MAPRE2: variants seen among roughly 807,000 people sequenced by gnomAD.
MAPRE2 encodes microtubule associated protein RP/EB family member 2.
MAPRE2 carries 13 observed loss-of-function variants against 43.2 expected under a neutral mutation model. The observed-to-expected ratio is 0.30, with a 90% confidence interval of 0.20 to 0.48. The LOEUF (loss-of-function observed/expected upper bound fraction) is 0.48, where lower values mean the gene tolerates loss of function less well. Among genes scored for constraint, MAPRE2 ranks in the 20% least tolerant of loss-of-function variants. MAPRE2 has a pLI of 0.99. For missense variants in MAPRE2, 161 were observed against 400.2 expected (o/e 0.40, Z 5.10); for synonymous variants, 135 against 148.8 (o/e 0.91, Z 0.68).
chr18:35,021,869 G>A (rs1227797412), intron 2 of MAPRE2, among the ~76,000 whole-genome samples: 3 of 152,044 alleles, frequency 2.0e-5, no homozygotes, highest in Non-Finnish European at 4.4e-5. Flanking sequence ...TGTTGACCAC[G>A]ATGAATTTAA....
chr18:35,042,744 C>T (rs1163637499), intron 1 of MAPRE2, among the ~76,000 whole-genome samples: 1 of 152,160 alleles, frequency 6.6e-6, no homozygotes, highest in African/African-American at 2.4e-5. Flanking sequence ...AAAGCGCATC[C>T]TCTCAGCTGA....
Position 35,097,431 on chromosome 18 carries a change from C to T in MAPRE2, c.251-15C>T. On this transcript the variant is annotated splice_polypyrimidine_tract_variant and intron_variant, in intron 2 of 6. Transcript: ENST00000300249. The stretch of plus-strand genomic sequence containing the variant: ...CAGTGAGACTCACTCCAGTACTGTT[C>T]TTGTTTCTTTCCAGGAGCGGCCTAT... 1 of 1,612,610 alleles carries T rather than the reference C, an allele frequency of 6.2e-7. No homozygotes were observed. Among genetic ancestry groups the T allele is most frequent in the East Asian group, 2.2e-5 (1 of 44,866 alleles).
intron 1 of MAPRE2, among the ~76,000 whole-genome samples, chr18:35,067,550 T>C (rs1025223973): frequency 6.6e-6 from 1 of 152,238 alleles, no homozygotes; most frequent in Non-Finnish European, 1.5e-5. Flanking sequence ...GTTTGTGTCT[T>C]TTCTGCTTTG....
intron 1 of MAPRE2, among the ~76,000 whole-genome samples, chr18:34,981,371 T>A (rs536480928): frequency 3.3e-5 from 5 of 150,038 alleles, no homozygotes; most frequent in African/African-American, 9.8e-5. Context: ...GAGAGGGAGA[T>A]GCCATCTTAA....
chr18:35,021,575 C>T (rs1169220959), intron 2 of MAPRE2, among the ~76,000 whole-genome samples: 2 of 152,076 alleles, frequency 1.3e-5, no homozygotes, highest in East Asian at 3.8e-4. Context: ...CACGGCCCCA[C>T]TCCTCCCAGA....
intron 2 of MAPRE2, among the ~76,000 whole-genome samples, chr18:35,073,671 A>C (rs1907214411): frequency 6.6e-6 from 1 of 152,156 alleles, no homozygotes; most frequent in Non-Finnish European, 1.5e-5. Context: ...TCTGTTTTTA[A>C]AATTTTCCAG....
chr18:34,985,063 AT>A (rs1396530399), intron 1 of MAPRE2, among the ~76,000 whole-genome samples: 6 of 91,092 alleles, frequency 6.6e-5, no homozygotes, highest in African/African-American at 2.8e-4. Context: ...TATATAATAT[AT>A]AAAATAAAAT....
chr18:35,032,301 A>G (rs2097048204), intron 2 of MAPRE2, among the ~76,000 whole-genome samples: 1 of 152,208 alleles, frequency 6.6e-6, no homozygotes, highest in South Asian at 2.1e-4. Context: ...TGCCTTTGAC[A>G]GCAGTGATTA....
chr18:35,138,530 T>G (rs554331319), intron 6 of MAPRE2, among the ~76,000 whole-genome samples: 190 of 152,314 alleles, frequency 1.2e-3, no homozygotes, highest in Non-Finnish European at 2.4e-3. Flanking sequence ...TTAAAAAAAT[T>G]ACTTGCACTT....
At chr18:35,017,658 T>G (rs1275777142) in intron 2 of MAPRE2, among the ~76,000 whole-genome samples, 1 of 151,968 alleles carries the variant, frequency 6.6e-6, no homozygotes, top group East Asian at 1.9e-4. Flanking sequence ...ATGTTACTTA[T>G]TTTTGTACAT....
chr18:35,040,355 CTTGA>C (rs770617450), upstream of MAPRE2, among the ~76,000 whole-genome samples: 2 of 152,148 alleles, frequency 1.3e-5, no homozygotes, highest in African/African-American at 4.8e-5. Context: ...CTTGGAAGTA[CTTGA>C]TTCTTACCTT....
upstream of MAPRE2, among the ~76,000 whole-genome samples, chr18:35,039,917 CA>C (rs1014833787): frequency 1.3e-5 from 2 of 152,196 alleles, no homozygotes; most frequent in Admixed American, 6.5e-5. Context: ...AAGAATCCTT[CA>C]AAATCTCTCC....
intron 2 of MAPRE2, among the ~76,000 whole-genome samples, chr18:35,031,660 A>T (rs117833957): frequency 8.5e-5 from 13 of 152,348 alleles, no homozygotes; most frequent in Admixed American, 3.9e-4. Context: ...CAACACAGAG[A>T]GAAATCTTGT....
At chr18:35,131,133 A>G (rs1042644652) in intron 5 of MAPRE2, among the ~76,000 whole-genome samples, 2 of 152,200 alleles carry the variant, frequency 1.3e-5, no homozygotes, top group African/African-American at 4.8e-5. Flanking sequence ...TCCTCGTGTC[A>G]CGAACCCTCA....
intron 1 of MAPRE2, among the ~76,000 whole-genome samples, chr18:34,997,299 G>A (rs1180337666): frequency 6.6e-6 from 1 of 152,134 alleles, no homozygotes; most frequent in East Asian, 1.9e-4. Context: ...TAGCATTTAG[G>A]GGATCCTAAA....
chr18:34,983,437 G>C (rs978215167), intron 1 of MAPRE2, among the ~76,000 whole-genome samples: 31 of 152,170 alleles, frequency 2.0e-4, no homozygotes, highest in African/African-American at 6.3e-4. Flanking sequence ...GTGAACACTT[G>C]CCTTAACTCT....
At chr18:35,009,760 G>C (rs768991794) in intron 2 of MAPRE2, among the ~76,000 whole-genome samples, 39 of 152,148 alleles carry the variant, frequency 2.6e-4, no homozygotes, top group Admixed American at 1.6e-3. Flanking sequence ...AAAATTGTGG[G>C]TTTCATTTGT....
intron 1 of MAPRE2, among the ~76,000 whole-genome samples, chr18:35,068,422 G>T (rs998449942): frequency 1.3e-5 from 2 of 152,122 alleles, no homozygotes; most frequent in African/African-American, 4.8e-5. Flanking sequence ...GAACTTAGAG[G>T]CTAGCTTGAA....
At chr18:34,985,084 A>T (rs2097018833) in intron 1 of MAPRE2, among the ~76,000 whole-genome samples, 1 of 88,446 alleles carries the variant, frequency 1.1e-5, no homozygotes, top group Non-Finnish European at 1.9e-5. Flanking sequence ...TATATTATAA[A>T]AATATATATT....
Sources: allele counts gnomAD v4.1 joint callset (sites outside exome capture counted in the v4.1 genomes callset), GRCh38; gene constraint gnomAD v4.1.1; transcripts MANE v1.5; gene names NCBI Gene and HGNC (gene_info 2026-07-23, HGNC 2026-07-21).